Variants in RNF180 observed in about 807,000 individuals in gnomAD.
The protein encoded by RNF180 is E3 ubiquitin-protein ligase RNF180.
Under a neutral mutation model 59.2 loss-of-function variants are expected in RNF180, and 38 were observed. The ratio of observed to expected loss-of-function variants is 0.64; its 90% CI spans 0.50 to 0.84. The LOEUF (loss-of-function observed/expected upper bound fraction) is 0.84. RNF180 is among the 40% of genes least tolerant of loss of function. RNF180 has a pLI of 0.00. For missense variants in RNF180, 705 were observed against 700.9 expected, an observed-to-expected ratio of 1.01 and a Z score of -0.07; for synonymous variants, 262 against 240.3, an observed-to-expected ratio of 1.09 and a Z score of -0.84.
chr5:64,216,619 A>G (rs1752643835), intron 4 of RNF180, among the ~76,000 whole-genome samples: 1 of 152,224 alleles, frequency 6.6e-6, no homozygotes, highest in Non-Finnish European at 1.5e-5. Context: ...AATCTATGCC[A>G]TGACAGAAAG....
intron 5 of RNF180, among the ~76,000 whole-genome samples, chr5:64,324,652 G>A (rs1172246953): frequency 6.6e-6 from 1 of 152,148 alleles, no homozygotes; most frequent in African/African-American, 2.4e-5. Flanking sequence ...CAGTTTCTTT[G>A]CTTTGCTTTC....
At chr5:64,324,855 G>C (rs967556500) in intron 5 of RNF180, among the ~76,000 whole-genome samples, 1 of 151,618 alleles carries the variant, frequency 6.6e-6, no homozygotes, top group Non-Finnish European at 1.5e-5. Flanking sequence ...TGGTAGGAAT[G>C]GGGTAGATAG....
chr5:64,214,549 C>G, intron 4 of RNF180, 32 bp downstream of exon 4: 1 of 1,584,548 alleles, frequency 6.3e-7, no homozygotes, highest in East Asian at 2.2e-5. Flanking sequence ...TACTAAAAAT[C>G]TGTATTATAA....
rs193031250 is a variant in RNF180, at chr5:64,259,606, G to T, written c.1227+42210G>T. On this transcript the variant is annotated intron_variant, in intron 5 of 7. Coordinates refer to ENST00000389100, the MANE Select transcript of RNF180 (RefSeq NM_001113561.2). ...AATTTAAGTTAGCATTTTGTTTTAT[G>T]ATTATAAGAGTACTATATGCTCTTA... Among the ~76,000 whole-genome samples, 9 of 152,152 alleles carry T rather than the reference G, an allele frequency of 5.9e-5. 1 individual carries two copies. The highest frequency in any genetic ancestry group is 2.2e-4 in the African/African-American group (9 of 41,510).
Position 64,341,621 on chromosome 5 carries a change from G to A in RNF180, c.1579+11215G>A, listed in dbSNP as rs115333719. 3.6e-3 allele frequency among the ~76,000 whole-genome samples: 543 copies of A among 152,108 alleles called. 3 individuals carry two copies. The highest frequency in any genetic ancestry group is 0.013 in the African/African-American group (527 of 41,490). On this transcript the variant is annotated intron_variant, in intron 7 of 7. Coordinates refer to ENST00000389100, the MANE Select transcript of RNF180 (RefSeq NM_001113561.2). ...GTATGTAGGCCTTAAGTGAGATGAT[G>A]GAAAACCTACTCCATTTCTGCGAGA... is the stretch of plus-strand genomic sequence containing the variant.
chr5:64,217,874 T>G (rs980123260), intron 5 of RNF180: 1 of 152,188 alleles, frequency 6.6e-6, no homozygotes, highest in African/African-American at 2.4e-5. Flanking sequence ...AGAAGATTGC[T>G]TGAGCCCAGG....
intron 7 of RNF180, among the ~76,000 whole-genome samples, chr5:64,359,829 G>GA (rs754648404): frequency 1.3e-5 from 2 of 152,008 alleles, no homozygotes; most frequent in Admixed American, 6.6e-5. Context: ...GTAAGGAAGG[G>GA]ATCCAGTTTC....
intron 5 of RNF180, among the ~76,000 whole-genome samples, chr5:64,246,952 A>C (rs1421986800): frequency 1.3e-5 from 2 of 152,238 alleles, no homozygotes; most frequent in South Asian, 4.1e-4. Context: ...AGCCTGGTTC[A>C]ACATATGCAA....
At chr5:64,362,806 A>T (rs1486268251) in intron 7 of RNF180, among the ~76,000 whole-genome samples, 1 of 151,624 alleles carries the variant, frequency 6.6e-6, no homozygotes, top group East Asian at 1.9e-4. Context: ...ATGGTATCTC[A>T]TTGTGGTTTT....
At chr5:64,298,291 G>T (rs1742992901) in intron 5 of RNF180, among the ~76,000 whole-genome samples, 1 of 151,912 alleles carries the variant, frequency 6.6e-6, no homozygotes. Context: ...CTGCTATTAT[G>T]AATAGTGCTG....
At chr5:64,359,202 A>C (rs1215684836) in intron 7 of RNF180, among the ~76,000 whole-genome samples, 5 of 151,432 alleles carry the variant, frequency 3.3e-5, no homozygotes, top group Admixed American at 6.6e-5. Context: ...TCCCTGAGGA[A>C]TCGCCACACT....
chr5:64,259,901 A>G (rs1744222194), intron 5 of RNF180, among the ~76,000 whole-genome samples: 1 of 152,186 alleles, frequency 6.6e-6, no homozygotes, highest in African/African-American at 2.4e-5. Context: ...ACCCTGGGCA[A>G]CAAGAGCAAA....
chr5:64,199,252 C>T (rs1309055266), intron 1 of RNF180, among the ~76,000 whole-genome samples: 1 of 152,200 alleles, frequency 6.6e-6, no homozygotes, highest in Admixed American at 6.5e-5. Flanking sequence ...ACTAGAGGGG[C>T]TTGCTGTGCC....
chr5:64,249,986 T>C (rs1213158626), intron 5 of RNF180, among the ~76,000 whole-genome samples: 1 of 152,156 alleles, frequency 6.6e-6, no homozygotes, highest in Non-Finnish European at 1.5e-5. Context: ...ATAGGAAACA[T>C]TTTATTCAAC....
At position 64,188,204 on chromosome 5, in the gene RNF180, G is replaced by T. The variant is rs569598447; in HGVS notation, c.1-12604G>T. On this transcript the variant is annotated intron_variant, in intron 1 of 7. Transcript: ENST00000389100. ...GCCCATTTCAACAAAGCAGTTGTGG[G>T]TTACTGTTGGGATTGCTATGCCCTG... 4.6e-5 allele frequency among the ~76,000 whole-genome samples: 7 copies of T among 152,208 alleles called. No individual in the cohort carries two copies. The South Asian group carries it at 1.0e-3, about 23-fold the overall frequency.
At chr5:64,218,669 A>G (rs1233796064) in intron 5 of RNF180, among the ~76,000 whole-genome samples, 1 of 152,184 alleles carries the variant, frequency 6.6e-6, no homozygotes, top group Non-Finnish European at 1.5e-5. Context: ...GAGAATTGAA[A>G]TCTTTACTAT....
intron 1 of RNF180, among the ~76,000 whole-genome samples, chr5:64,168,915 C>A (rs769977408): frequency 3.3e-5 from 5 of 152,080 alleles, no homozygotes; most frequent in Non-Finnish European, 7.4e-5. Context: ...AAATAGAATG[C>A]CATGCCCTAG....
At chr5:64,289,354 G>C (rs927579918) in intron 5 of RNF180, among the ~76,000 whole-genome samples, 2 of 151,964 alleles carry the variant, frequency 1.3e-5, no homozygotes, top group Admixed American at 1.3e-4. Context: ...GAAGTTTCCT[G>C]TTTTTGTTGT....
chr5:64,256,733 G>A (rs1203619194), intron 5 of RNF180, among the ~76,000 whole-genome samples: 1 of 152,116 alleles, frequency 6.6e-6, no homozygotes, highest in African/African-American at 2.4e-5. Context: ...TTCCAATTCT[G>A]TGAAGAAAGC....
Sources: gnomAD v4.1 joint callset for allele counts (sites outside exome capture counted in the v4.1 genomes callset) on GRCh38, gnomAD v4.1.1 for gene constraint, MANE v1.5 for transcripts, NCBI Gene and HGNC (gene_info 2026-07-23, HGNC 2026-07-21) for gene names.